Variants in CLN8 observed in about 807,000 individuals in gnomAD.
CLN8 encodes CLN8 transmembrane ER and ERGIC protein.
In CLN8, 14 loss-of-function variants were observed where a neutral mutation model predicts 15.7. That is an observed-to-expected ratio of 0.89 (90% CI 0.59 to 1.39). CLN8 has a LOEUF of 1.39. Ranked by LOEUF, CLN8 falls within the 40% of genes most tolerant of loss-of-function variation. The pLI, the probability that CLN8 is intolerant of heterozygous loss-of-function variation, is 0.00. For missense variants in CLN8, 415 were observed against 364.0 expected (o/e 1.14, Z -1.14); for synonymous variants, 188 against 151.0 (o/e 1.25, Z -1.80).
chr8:1,760,878 A>G (rs994061484), upstream of CLN8, among the ~76,000 whole-genome samples: 3 of 152,344 alleles, frequency 2.0e-5, no homozygotes, highest in African/African-American at 4.8e-5. Flanking sequence ...GGCATCTTGT[A>G]TCAATGTAAA....
At chr8:1,769,221 C>T (rs1801202894) in intron 1 of CLN8, among the ~76,000 whole-genome samples, 1 of 152,314 alleles carries the variant, frequency 6.6e-6, no homozygotes, top group East Asian at 1.9e-4. Context: ...GTGATCAGTG[C>T]TCCCTTGTCA....
chr8:1,773,207 C>T (rs1309437013), intron 2 of CLN8, among the ~76,000 whole-genome samples: 2 of 152,088 alleles, frequency 1.3e-5, no homozygotes, highest in African/African-American at 4.8e-5. Flanking sequence ...AAACCATGGC[C>T]CCAGATGCGG....
In CLN8 at chr8:1,783,227, C is replaced by G. The variant is rs921474466; in HGVS notation, c.*2660C>G. On this transcript the variant is annotated 3_prime_UTR_variant, in exon 3 of 3. Transcript: ENST00000331222. The stretch of plus-strand genomic sequence containing the variant: ...TTGGTGTGAGCCTGGGCCCGGCCCA[C>G]TCAGCGGCCCACATTGGCCAGCATT... The G allele has an allele frequency of 6.6e-6, 1 of 152,322 alleles. No individual in the cohort carries two copies. The highest frequency in any genetic ancestry group is 1.5e-5 in the Non-Finnish European group (1 of 68,102). 9.4% of individuals were successfully genotyped at this position (152,322 alleles called of 1,614,324 possible).
intron 1 of CLN8, among the ~76,000 whole-genome samples, chr8:1,757,801 G>T (rs147498453): frequency 6.7e-4 from 102 of 152,204 alleles, no homozygotes; most frequent in African/African-American, 2.2e-3. Context: ...TCGTCCAATG[G>T]GGATTTAAGG....
chr8:1,765,431 A>C (rs1801012955), intron 1 of CLN8, among the ~76,000 whole-genome samples: 1 of 152,150 alleles, frequency 6.6e-6, no homozygotes, highest in Non-Finnish European at 1.5e-5. Flanking sequence ...GTAAATTTTT[A>C]TTTTTGTATT....
intron 1 of CLN8, among the ~76,000 whole-genome samples, chr8:1,766,969 G>C (rs999191746): frequency 1.3e-5 from 2 of 152,178 alleles, no homozygotes; most frequent in African/African-American, 4.8e-5. Flanking sequence ...TTGTGACTTG[G>C]GGTGAACCAC....
intron 1 of CLN8, among the ~76,000 whole-genome samples, chr8:1,764,904 C>G (rs963914754): frequency 6.6e-6 from 1 of 152,240 alleles, no homozygotes; most frequent in African/African-American, 2.4e-5. Flanking sequence ...AACTATCCAG[C>G]TTCTGCTTAC....
upstream of CLN8, chr8:1,759,083 C>T (rs934676107): frequency 3.3e-5 from 5 of 152,186 alleles, no homozygotes; most frequent in African/African-American, 1.2e-4. Context: ...AATGTAGTAT[C>T]TTATTGCTAC....
intron 1 of CLN8, among the ~76,000 whole-genome samples, chr8:1,770,367 A>T (rs894023942): frequency 2.0e-5 from 3 of 152,202 alleles, no homozygotes; most frequent in African/African-American, 7.2e-5. Flanking sequence ...GAGTGGAACC[A>T]GAGAAGGTAT....
chr8:1,778,979 C>G (rs150382098), intron 2 of CLN8, among the ~76,000 whole-genome samples: 2 of 152,292 alleles, frequency 1.3e-5, no homozygotes, highest in East Asian at 3.9e-4. Context: ...GATCAGCCTA[C>G]GTTTGAGCAA....
At position 1,780,246 on chromosome 8, in the gene CLN8, G is replaced by A; in HGVS notation, c.544-4G>A. 6.2e-7 allele frequency: 1 copy of A among 1,614,278 alleles called. No homozygotes were observed. The highest frequency in any genetic ancestry group is 8.5e-7 in the Non-Finnish European group (1 of 1,180,046). ...ACTTGTGCATTTGTCTTCTCTCCAT[G>A]CAGGCGGGCTGGTCCGAGTCTCTGT... On this transcript the variant is annotated splice_region_variant and splice_polypyrimidine_tract_variant and intron_variant, in intron 2 of 2. Coordinates refer to ENST00000331222, the MANE Select transcript of CLN8 (RefSeq NM_018941.4).
At position 1,781,279 on chromosome 8, in the gene CLN8, A is replaced by T. The variant is rs1801705626; in HGVS notation, c.*712A>T. The stretch of plus-strand genomic sequence containing the variant: ...AGGCCAAGGCAGGAGAATTGCCTGA[A>T]CCCGGGAGGCGGAGGTTGCAGTGAG... On this transcript the variant is annotated 3_prime_UTR_variant, in exon 3 of 3. Coordinates refer to ENST00000331222, the MANE Select transcript of CLN8 (RefSeq NM_018941.4). 1 of 151,070 alleles carries T rather than the reference A, an allele frequency of 6.6e-6. No homozygotes were observed. The highest frequency in any genetic ancestry group is 1.5e-5 in the Non-Finnish European group (1 of 68,086). 9.4% of individuals were successfully genotyped at this position (151,070 alleles called of 1,614,324 possible).
chr8:1,764,048 G>T (rs965626493), intron 1 of CLN8, 163 bp downstream of exon 1: 1 of 151,994 alleles, frequency 6.6e-6, no homozygotes, highest in Non-Finnish European at 1.5e-5. Context: ...CCGGGTGAGG[G>T]GACCGGGGAT....
intron 1 of CLN8, among the ~76,000 whole-genome samples, chr8:1,757,310 C>A (rs1228278662): frequency 6.6e-6 from 1 of 152,176 alleles, no homozygotes; most frequent in Non-Finnish European, 1.5e-5. Context: ...TCATGACAAC[C>A]CAAAAACGTC....
Position 1,771,566 on chromosome 8 carries a change from C to T in CLN8, c.512C>T (p.Pro171Leu), listed in dbSNP as rs1184115888. ...MTTLLLEMST[P>L]FTCVSWMLLK... ...ACGTTGCTCCTGGAGATGAGCACGC[C>T]CTTTACCTGCGTTTCCTGGATGCTC... Residue 171 changes from proline (P) to leucine (L), a missense_variant, in exon 2 of 3, where the codon CCC becomes CTC. Transcript: ENST00000331222. 2 of 1,613,900 alleles carry T rather than the reference C, an allele frequency of 1.2e-6. No homozygotes were observed. The highest frequency in any genetic ancestry group is 2.2e-5 in the East Asian group (1 of 44,880).
At chr8:1,755,799 G>A (rs190690443) in exon 1 of CLN8, 146 of 152,316 alleles carry the variant, frequency 9.6e-4, no homozygotes, top group African/African-American at 3.4e-3. Flanking sequence ...TGCTTGCAGA[G>A]TCATCTTCAG....
At chr8:1,757,772 G>A (rs1800705965) in intron 1 of CLN8, among the ~76,000 whole-genome samples, 1 of 152,156 alleles carries the variant, frequency 6.6e-6, no homozygotes. Flanking sequence ...TTTAAAGGCT[G>A]GTTGTTATGC....
intron 2 of CLN8, among the ~76,000 whole-genome samples, chr8:1,774,243 G>A (rs116259845): frequency 6.6e-6 from 1 of 152,182 alleles, no homozygotes; most frequent in Non-Finnish European, 1.5e-5. Context: ...AGCTTTTAGG[G>A]TGCTGTTTGT....
intron 1 of CLN8, among the ~76,000 whole-genome samples, chr8:1,770,122 A>C (rs1046974189): frequency 6.6e-6 from 1 of 152,148 alleles, no homozygotes; most frequent in Non-Finnish European, 1.5e-5. Flanking sequence ...ATGCATCAGG[A>C]GCTTGTAGCA....
Sources: allele counts gnomAD v4.1 joint callset (sites outside exome capture counted in the v4.1 genomes callset), GRCh38; gene constraint gnomAD v4.1.1; transcripts MANE v1.5; gene names NCBI Gene and HGNC (gene_info 2026-07-23, HGNC 2026-07-21).